The following PTPRT variants were observed in gnomAD, a reference collection of about 807,000 sequenced individuals.
The protein encoded by PTPRT is receptor-type tyrosine-protein phosphatase T.
PTPRT carries 56 observed loss-of-function variants against 176.8 expected under a neutral mutation model. The observed-to-expected ratio is 0.32, with a 90% CI of 0.26 to 0.40. The LOEUF is 0.40. PTPRT is among the 10% of genes least tolerant of loss of function. The probability of loss-of-function intolerance (pLI) is 1.00; values close to 1 mark genes in which losing one functional copy is unlikely to be tolerated. For synonymous variants in PTPRT, 783 were observed against 739.0 expected (o/e 1.06, Z -0.96); for missense variants, 1,540 against 1,908.2 (o/e 0.81, Z 3.60).
At chr20:42,879,633 G>A (rs2078984370) in intron 2 of PTPRT, among the ~76,000 whole-genome samples, 1 of 152,178 alleles carries the variant, frequency 6.6e-6, no homozygotes, top group Non-Finnish European at 1.5e-5. Context: ...AGCAGTTAGA[G>A]CAAGGCAGGA....
At chr20:42,583,834 T>C (rs939850056) in intron 7 of PTPRT, among the ~76,000 whole-genome samples, 3 of 152,238 alleles carry the variant, frequency 2.0e-5, no homozygotes, top group Admixed American at 6.5e-5. Context: ...TTAAATCACA[T>C]TGAAATAAAC....
intron 7 of PTPRT, among the ~76,000 whole-genome samples, chr20:42,544,177 T>C (rs2072632447): frequency 6.6e-6 from 1 of 152,238 alleles, no homozygotes; most frequent in South Asian, 2.1e-4. Flanking sequence ...AAGTCCTAGA[T>C]GGCATCTTCT....
intron 9 of PTPRT, among the ~76,000 whole-genome samples, chr20:42,442,875 A>G (rs1352990374): frequency 1.3e-5 from 2 of 152,134 alleles, no homozygotes; most frequent in Non-Finnish European, 2.9e-5. Context: ...CATTCTGGCT[A>G]TAAGTGCCTG....
intron 1 of PTPRT, among the ~76,000 whole-genome samples, chr20:43,095,012 G>A (rs2012068722): frequency 6.6e-6 from 1 of 152,280 alleles, no homozygotes; most frequent in African/African-American, 2.4e-5. Context: ...GAGGGAAACA[G>A]AGGTGTGCAA....
chr20:42,783,375 CAA>C (rs11321200), intron 3 of PTPRT, among the ~76,000 whole-genome samples: 12 of 146,208 alleles, frequency 8.2e-5, no homozygotes, highest in Admixed American at 2.0e-4. Flanking sequence ...TGAGAATCAA[CAA>C]AAAAAAAAAC....
At position 42,500,334 on chromosome 20, in the gene PTPRT, C is replaced by T. The variant is rs143875489; in HGVS notation, c.1154-27772G>A. On this transcript the variant is annotated intron_variant, in intron 7 of 30. Coordinates refer to ENST00000373187, the MANE Select transcript of PTPRT (RefSeq NM_007050.6). ...ATGCCGGTCTACTCACTACCCCCAT[C>T]AGCAAGGTAAATGCTATTTTAATAT... 4.7e-3 allele frequency among the ~76,000 whole-genome samples: 720 copies of T among 152,060 alleles called. 5 individuals carry two copies. The highest frequency in any genetic ancestry group is 0.017 in the African/African-American group (690 of 41,538).
intron 6 of PTPRT, among the ~76,000 whole-genome samples, chr20:42,689,139 C>T (rs1425217275): frequency 6.6e-6 from 1 of 152,176 alleles, no homozygotes; most frequent in East Asian, 1.9e-4. Context: ...TCTGTTTTCG[C>T]ACCCAAAAAG....
chr20:42,940,492 C>G (rs545373181), intron 1 of PTPRT, among the ~76,000 whole-genome samples: 1 of 152,118 alleles, frequency 6.6e-6, no homozygotes, highest in African/African-American at 2.4e-5. Context: ...TCCAAAAAGA[C>G]AGGATAGATA....
intron 16 of PTPRT, among the ~76,000 whole-genome samples, chr20:42,191,918 A>G (rs1291510267): frequency 6.6e-6 from 1 of 152,106 alleles, no homozygotes; most frequent in South Asian, 2.1e-4. Context: ...CAAGTACTCA[A>G]TGAGTATCTG....
chr20:42,873,895 A>G (rs1362482491), intron 2 of PTPRT, among the ~76,000 whole-genome samples: 1 of 152,246 alleles, frequency 6.6e-6, no homozygotes, highest in Admixed American at 6.5e-5. Flanking sequence ...AAAAGACTAT[A>G]TTTATACTAA....
chr20:42,895,659 G>A (rs2079283178), intron 1 of PTPRT, among the ~76,000 whole-genome samples: 1 of 152,034 alleles, frequency 6.6e-6, no homozygotes, highest in African/African-American at 2.4e-5. Context: ...AAAAAGAATG[G>A]GCATGACTGT....
intron 1 of PTPRT, among the ~76,000 whole-genome samples, chr20:43,187,349 A>T (rs2015419284): frequency 6.6e-6 from 1 of 152,230 alleles, no homozygotes; most frequent in South Asian, 2.1e-4. Context: ...TTATTGTCAT[A>T]TTTATACTAG....
intron 9 of PTPRT, among the ~76,000 whole-genome samples, chr20:42,422,539 A>G (rs2059127910): frequency 6.6e-6 from 1 of 152,212 alleles, no homozygotes; most frequent in African/African-American, 2.4e-5. Flanking sequence ...CTAAAAAGTC[A>G]AAAAATAAAC....
chr20:42,601,542 A>C (rs6030356), intron 7 of PTPRT, among the ~76,000 whole-genome samples: 37,990 of 152,008 alleles, frequency 0.25, 5,128 homozygotes, highest in Non-Finnish European at 0.3. Context: ...TAGACTGCAA[A>C]TCAAGACTTG....
chr20:42,493,193 G>A (rs967967885), intron 7 of PTPRT, among the ~76,000 whole-genome samples: 5 of 152,186 alleles, frequency 3.3e-5, no homozygotes, highest in Non-Finnish European at 7.3e-5. Context: ...CTGTTTTACA[G>A]ATGAGGAATC....
intron 2 of PTPRT, among the ~76,000 whole-genome samples, chr20:42,879,185 A>G (rs1451698380): frequency 2.6e-5 from 4 of 152,220 alleles, no homozygotes; most frequent in Non-Finnish European, 5.9e-5. Flanking sequence ...AAAAATTACC[A>G]TGAGCTGGGT....
At chr20:42,344,280 G>A (rs2058155319) in intron 11 of PTPRT, among the ~76,000 whole-genome samples, 1 of 152,164 alleles carries the variant, frequency 6.6e-6, no homozygotes, top group South Asian at 2.1e-4. Context: ...CTGTGATGTA[G>A]GTATTCCCAT....
rs2058468455 is a variant in PTPRT at position 42,363,393 on chromosome 20, C to G, written c.1561-11108G>C. 3.5e-5 allele frequency among the ~76,000 whole-genome samples: 5 copies of G among 143,778 alleles called. No homozygotes were observed. The South Asian group carries it at 1.1e-3, about 33-fold the overall frequency. 94.3% of individuals were successfully genotyped at this position (143,778 alleles called of 152,430 possible). On this transcript the variant is annotated intron_variant, in intron 9 of 30. Coordinates refer to ENST00000373187, the MANE Select transcript of PTPRT (RefSeq NM_007050.6). ...TGGTGTGATCTTGGCTCACCGCAAC[C>G]TCCGCCTCCCGGGTACAAGCAATTC...
chr20:42,039,702 A>ATATATATATATATATATAT, the PTPRT span, among the ~76,000 whole-genome samples: 2 of 142,516 alleles, frequency 1.4e-5, no homozygotes, highest in African/African-American at 2.5e-5. Context: ...GTATATATAT[A>ATATATATATATATATATAT]GTAATGTATA....
Sources: gnomAD v4.1 joint callset for allele counts (sites outside exome capture counted in the v4.1 genomes callset) on GRCh38, gnomAD v4.1.1 for gene constraint, MANE v1.5 for transcripts, NCBI Gene and HGNC (gene_info 2026-07-23, HGNC 2026-07-21) for gene names.